The following CUL7 variants were observed in gnomAD, a reference collection of about 807,000 sequenced individuals.
CUL7 encodes cullin-7.
Under a neutral mutation model 177.7 loss-of-function variants are expected in CUL7, and 96 were observed. That is an observed-to-expected ratio of 0.54 (90% CI 0.46 to 0.64). The LOEUF is 0.64. Among genes scored for constraint, CUL7 ranks in the 30% least tolerant of loss-of-function variants. The probability of loss-of-function intolerance (pLI) is 0.00; values close to 1 mark genes in which losing one functional copy is unlikely to be tolerated. For synonymous variants in CUL7, 824 were observed against 890.2 expected, an observed-to-expected ratio of 0.93 and a Z score of 1.32; for missense variants, 1,893 against 2,187.9, an observed-to-expected ratio of 0.87 and a Z score of 2.69.
Position 43,042,820 on chromosome 6 carries a change from AG to A in CUL7, c.3626del (p.Pro1209LeufsTer8). 1 of 1,612,878 alleles carries A rather than the reference AG, an allele frequency of 6.2e-7. No homozygotes were observed. The highest frequency in any genetic ancestry group is 1.3e-5 in the African/African-American group (1 of 75,032). On this transcript the variant is annotated frameshift_variant, in exon 19 of 26. Transcript: ENST00000265348. LOFTEE classifies it high-confidence loss of function. ...NGCAGALLKL[P>X]FLKAAHVSEQ... Reference sequence around the variant, plus strand: ...GGCTTACGTGGGCAGCTTTGAGAAAAGGGAGCTTCAGCAAGGCTCCCGCACA... The same window carrying A: ...GGCTTACGTGGGCAGCTTTGAGAAAAGGAGCTTCAGCAAGGCTCCCGCACA...
In CUL7 at chr6:43,050,825, A is replaced by G. The variant is rs1198509754; in HGVS notation, c.1233+143T>C. ...CAGCTCTCAGAATGGCCCCCCTCTC[A>G]ACTACTGACTCTTTTCACCATTCCA... On this transcript the variant is annotated intron_variant, in intron 4 of 25. Transcript: ENST00000265348. The surrounding 1 kb of genome is among the most constrained non-coding windows in gnomAD (Gnocchi z 4.1). 3.6e-6 allele frequency: 4 copies of G among 1,100,576 alleles called. No homozygotes were observed. In the East Asian group the frequency reaches 9.8e-5, roughly 27 times the overall value. The allele number at this position is 1,100,576 out of a possible 1,614,324, so 68.2% of individuals were successfully genotyped here.
Position 43,048,060 on chromosome 6 carries a change from C to A in CUL7, c.2169+88G>T. The stretch of plus-strand genomic sequence containing the variant: ...CAAGAGCTCAAAGGCTCTATCACGC[C>A]CTCCAGAGCCTTGCCCAGCAGGTGT... On this transcript the variant is annotated intron_variant, in intron 9 of 25. Transcript: ENST00000265348. The A allele has an allele frequency of 3.7e-6, 3 of 802,238 alleles. No individual in the cohort carries two copies. The South Asian group carries it at 4.3e-5, about 11-fold the overall frequency. The allele number at this position is 802,238 out of a possible 1,614,324, so 49.7% of individuals were successfully genotyped here.
Position 43,050,427 on chromosome 6 carries a change from G to A in CUL7, c.1234-29C>T. ...GAGCATAGGGAAAGAAAGAGGGAAG[G>A]GGAAGGGAGGACTCACAAATGACTG... On this transcript the variant is annotated intron_variant, in intron 4 of 25. Coordinates refer to ENST00000265348, the MANE Select transcript of CUL7 (RefSeq NM_014780.5). This position sits in a 1 kb window ranked among gnomAD's most constrained non-coding sequence, Gnocchi z 4.1. 5 of 1,613,598 alleles carry A rather than the reference G, an allele frequency of 3.1e-6. No individual in the cohort carries two copies. Among genetic ancestry groups the A allele is most frequent in the Non-Finnish European group, 4.2e-6 (5 of 1,179,964 alleles).
At chr6:43,049,740 G>A in intron 6 of CUL7, 78 bp from the exon 7 acceptor site, 2 of 1,576,130 alleles carry the variant, frequency 1.3e-6, no homozygotes, top group Non-Finnish European at 8.7e-7. Context: ...TAGGGGTGGG[G>A]GTCTCTCTGC....
chr6:43,044,938 C>T, intron 15 of CUL7, 53 bp from the exon 16 acceptor site: 2 of 1,599,714 alleles, frequency 1.3e-6, no homozygotes, highest in Non-Finnish European at 1.7e-6. Flanking sequence ...CATATGTTAT[C>T]TCAGTGTCCA....
intron 23 of CUL7, 58 bp from the exon 24 acceptor site, chr6:43,038,750 T>C (rs1001687013): frequency 6.2e-6 from 10 of 1,611,286 alleles, no homozygotes; most frequent in Non-Finnish European, 7.6e-6. Flanking sequence ...GAGAAGAGGA[T>C]GGAGGGAAGA....
rs1561873760 is a variant in CUL7, at chr6:43,040,265, G to C, written c.4185C>G (p.Ser1395=). The C allele has an allele frequency of 1.2e-6, 2 of 1,614,120 alleles. No homozygotes were observed. Among genetic ancestry groups the C allele is most frequent in the East Asian group, 2.2e-5 (1 of 44,876 alleles). Residue 1395 remains serine (S), a synonymous_variant, in exon 22 of 26, where the codon TCC becomes TCG. Transcript: ENST00000265348. This position sits in a 1 kb window ranked among gnomAD's most constrained non-coding sequence, Gnocchi z 4.2. ...TTGAGGCAACAGGCCAGGAGTGTCG[G>C]GACAGGACAAGCACAGACACTTCTG... The part of the protein sequence containing the change: ...AMPEVSVLVL[S]RHSWPVASIC...
In CUL7 at chr6:43,045,727, C is replaced by T; in HGVS notation, c.2767-45G>A. The T allele has an allele frequency of 6.3e-7, 1 of 1,597,154 alleles. No homozygotes were observed. Among genetic ancestry groups the T allele is most frequent in the East Asian group, 2.2e-5 (1 of 44,786 alleles). On this transcript the variant is annotated intron_variant, in intron 13 of 25. Transcript: ENST00000265348. The surrounding 1 kb of genome is among the most constrained non-coding windows in gnomAD (Gnocchi z 4.8). The stretch of plus-strand genomic sequence containing the variant: ...GCTGTCACCTCCACACATGCAGAGC[C>T]AAGTTGGCTCTAGGCTCCAGTCCCC...
Position 43,053,770 on chromosome 6 carries a change from G to C in CUL7, c.-157C>G, listed in dbSNP as rs866758527. ...GGAGGGGGCGTGCCTCCGCGGAACAGAGCTGCACCCGCGTGAGTCGGCAGC... is the reference window on the plus strand; with the variant it reads ...GGAGGGGGCGTGCCTCCGCGGAACACAGCTGCACCCGCGTGAGTCGGCAGC... On this transcript the variant is annotated 5_prime_UTR_variant, in exon 1 of 26. Transcript: ENST00000265348. The surrounding 1 kb of genome is among the most constrained non-coding windows in gnomAD (Gnocchi z 4.1). The C allele has an allele frequency of 3.3e-6, 5 of 1,530,576 alleles. No homozygotes were observed. Among genetic ancestry groups the C allele is most frequent in the African/African-American group, 2.7e-5 (2 of 72,760 alleles). 94.8% of individuals were successfully genotyped at this position (1,530,576 alleles called of 1,614,324 possible).
intron 10 of CUL7, 126 bp from the exon 11 acceptor site, chr6:43,046,727 C>T: frequency 2.8e-6 from 4 of 1,441,736 alleles, no homozygotes; most frequent in East Asian, 2.4e-5. Context: ...GCAGAGCAGG[C>T]CCAGATGGGG....
Position 43,044,869 on chromosome 6 carries a change from G to A in CUL7, c.3055C>T (p.Arg1019Cys), listed in dbSNP as rs757730802. ...CGGTCAGCAAAATTCTGCTCCTGGC[G>A]CAGAGCACCGTTGAGTCTGGGGGTG... Reference protein sequence around the residue: ...HLSSRLNGALRQEQNFADRFL... With the variant: ...HLSSRLNGALCQEQNFADRFL... Residue 1019 changes from arginine (R) to cysteine (C), a missense_variant, in exon 16 of 26, where the codon CGC becomes TGC. Arg to Cys is a radical substitution (Grantham distance 180, BLOSUM62 -3). Coordinates refer to ENST00000265348, the MANE Select transcript of CUL7 (RefSeq NM_014780.5). 2.4e-5 allele frequency: 38 copies of A among 1,613,614 alleles called. No individual in the cohort carries two copies. The highest frequency in any genetic ancestry group is 3.3e-5 in the South Asian group (3 of 91,060).
chr6:43,040,863 G>A lies in CUL7; in HGVS notation c.3806+52C>T. On this transcript the variant is annotated intron_variant, in intron 20 of 25. Coordinates refer to ENST00000265348, the MANE Select transcript of CUL7 (RefSeq NM_014780.5). This position sits in a 1 kb window ranked among gnomAD's most constrained non-coding sequence, Gnocchi z 4.2. ...ACTTCCAGGCCCATGAGCTGGCTCT[G>A]CCACCATCATCCTGCCTCCCGCCAG... 2.5e-6 allele frequency: 4 copies of A among 1,605,328 alleles called. No individual in the cohort carries two copies. In the South Asian group the frequency reaches 3.3e-5, roughly 13 times the overall value.
rs759361398 is a variant in CUL7 at position 43,051,840 on chromosome 6, A to G, written c.581-77T>C. 17 of 1,560,238 alleles carry G rather than the reference A, an allele frequency of 1.1e-5. No homozygotes were observed. The highest frequency in any genetic ancestry group is 1.4e-5 in the Non-Finnish European group (16 of 1,132,244). On this transcript the variant is annotated intron_variant, in intron 2 of 25. Transcript: ENST00000265348. The surrounding 1 kb of genome is among the most constrained non-coding windows in gnomAD (Gnocchi z 5.0). Reference sequence around the variant, plus strand: ...AAATCTTAGACCCTCTACTCTTTCAATCCAATCCTTTTGCCACCACACAAT... The same window carrying G: ...AAATCTTAGACCCTCTACTCTTTCAGTCCAATCCTTTTGCCACCACACAAT...
Position 43,040,595 on chromosome 6 carries a change from C to A in CUL7, c.3958G>T (p.Val1320Phe). ...TSKELQRQFH[V>F]YQLQQLDQEL... ...TGATCCAGCTGCTGGAGCTGGTAGA[C>A]GTGGAACTGGCGCTGCAGCTCCTTA... The change falls in exon 21 of 26, where the codon GTC (valine) becomes TTC (phenylalanine). Residue 1320 changes from valine to phenylalanine, a missense_variant. Coordinates refer to ENST00000265348, the MANE Select transcript of CUL7 (RefSeq NM_014780.5). This position sits in a 1 kb window ranked among gnomAD's most constrained non-coding sequence, Gnocchi z 4.2. The A allele has an allele frequency of 6.2e-7, 1 of 1,614,214 alleles. No individual in the cohort carries two copies. Among genetic ancestry groups the A allele is most frequent in the Non-Finnish European group, 8.5e-7 (1 of 1,180,036 alleles).
Position 43,052,197 on chromosome 6 carries a change from A to G in CUL7, c.580+12T>C. On this transcript the variant is annotated intron_variant, in intron 2 of 25. Transcript: ENST00000265348. The surrounding 1 kb of genome is among the most constrained non-coding windows in gnomAD (Gnocchi z 4.5). ...TCTCCTGCTTTCCCTTCCTCCCCAC[A>G]CTGCCCCTCACCAGCGTCATGGGAG... The G allele has an allele frequency of 2.5e-6, 4 of 1,613,880 alleles. No homozygotes were observed. The highest frequency in any genetic ancestry group is 3.4e-6 in the Non-Finnish European group (4 of 1,179,980).
chr6:43,050,979 G>A lies in CUL7; in HGVS notation c.1222C>T (p.Pro408Ser). ...GEFRQSNNGV[P>S]PVQVFWESTG... Reference sequence around the variant, plus strand: ...CATGTGCCACTCACCTGCACAGGAGGCACACCGTTGTTGCTCTGCCGAAAC... The same window carrying A: ...CATGTGCCACTCACCTGCACAGGAGACACACCGTTGTTGCTCTGCCGAAAC... Residue 408 changes from proline (P) to serine (S), a missense_variant, in exon 4 of 26, where the codon CCT (proline) becomes TCT (serine). Pro to Ser is a moderately conservative substitution (Grantham distance 74). This residue lies in a region of CUL7 where 653 missense variants were observed against 725.2 expected (regional missense o/e 0.90). Coordinates refer to ENST00000265348, the MANE Select transcript of CUL7 (RefSeq NM_014780.5). This position sits in a 1 kb window ranked among gnomAD's most constrained non-coding sequence, Gnocchi z 4.1. The A allele has an allele frequency of 6.2e-7, 1 of 1,614,044 alleles. No homozygotes were observed. The highest frequency in any genetic ancestry group is 8.5e-7 in the Non-Finnish European group (1 of 1,180,022).
chr6:43,052,194 C>A lies in CUL7; in HGVS notation c.580+15G>T, dbSNP rs1213631510. ...CCTTCTCCTGCTTTCCCTTCCTCCC[C>A]ACACTGCCCCTCACCAGCGTCATGG... is the stretch of plus-strand genomic sequence containing the variant. On this transcript the variant is annotated intron_variant, in intron 2 of 25. Transcript: ENST00000265348. This position sits in a 1 kb window ranked among gnomAD's most constrained non-coding sequence, Gnocchi z 4.5. 1 of 1,613,978 alleles carries A rather than the reference C, an allele frequency of 6.2e-7. No individual in the cohort carries two copies. The highest frequency in any genetic ancestry group is 8.5e-7 in the Non-Finnish European group (1 of 1,180,016).
At chr6:43,038,520 C>G in intron 24 of CUL7, 46 bp downstream of exon 24, 1 of 1,613,900 alleles carries the variant, frequency 6.2e-7, no homozygotes, top group Non-Finnish European at 8.5e-7. Flanking sequence ...CACGAGGAGC[C>G]TGGCCCTGCC....
intron 22 of CUL7, among the ~76,000 whole-genome samples, chr6:43,039,735 C>CTTTT (rs763879172): frequency 5.5e-4 from 52 of 94,912 alleles, no homozygotes; most frequent in Admixed American, 8.7e-4. Flanking sequence ...AAGACCAACT[C>CTTTT]TTTTTTTTTT....
Sources: allele counts gnomAD v4.1 joint callset (sites outside exome capture counted in the v4.1 genomes callset), GRCh38; gene constraint gnomAD v4.1.1; regional missense constraint gnomAD v4.1.1; non-coding constraint Gnocchi (gnomAD v3.1); transcripts MANE v1.5; gene names NCBI Gene and HGNC (gene_info 2026-07-23, HGNC 2026-07-21).